ABI1: variants seen among roughly 807,000 people sequenced by gnomAD.
The protein encoded by ABI1 is Abelson interactor 1.
In ABI1, 14 loss-of-function variants were observed where a neutral mutation model predicts 54.6. The ratio of observed to expected loss-of-function variants is 0.26; its 90% CI spans 0.17 to 0.40. The LOEUF (loss-of-function observed/expected upper bound fraction) is 0.40, where lower values mean the gene tolerates loss of function less well. Among genes scored for constraint, ABI1 ranks in the 10% least tolerant of loss-of-function variants. ABI1 has a pLI of 1.00. For synonymous variants in ABI1, 194 were observed against 209.3 expected (o/e 0.93, Z 0.63); for missense variants, 443 against 598.3 (o/e 0.74, Z 2.71).
chr10:26,770,629 T>G, intron 4 of ABI1: 1 of 618,408 alleles, frequency 1.6e-6, no homozygotes, highest in Non-Finnish European at 3.0e-6. Context: ...CAAACTTATC[T>G]GCATTCAAAC....
In ABI1 at chr10:26,777,177, T is replaced by A; in HGVS notation, c.350A>T (p.Asn117Ile). ...TATTATTTTGTGAGTTCTTGATGTA[T>A]TCTTATTTGTTGTCAAAATACCAAT... ...REIGILTTNKNTSRTHKIIAP... is the reference protein window; with the variant it reads ...REIGILTTNKITSRTHKIIAP... The change falls in exon 3 of 11, where the codon AAT (asparagine) becomes ATT (isoleucine). Residue 117 changes from asparagine (N) to isoleucine (I), a missense_variant. Coordinates refer to ENST00000376140, the MANE Select transcript of ABI1 (RefSeq NM_001012750.3). 1 of 1,613,886 alleles carries A rather than the reference T, an allele frequency of 6.2e-7. No homozygotes were observed. The highest frequency in any genetic ancestry group is 8.5e-7 in the Non-Finnish European group (1 of 1,179,864).
intron 1 of ABI1, among the ~76,000 whole-genome samples, chr10:26,848,828 C>T (rs1056185450): frequency 1.3e-5 from 2 of 151,976 alleles, no homozygotes; most frequent in Non-Finnish European, 2.9e-5. Flanking sequence ...AGGCTGGTCT[C>T]GAACTCCTGA....
chr10:26,846,941 C>G (rs921257534), intron 1 of ABI1, among the ~76,000 whole-genome samples: 2 of 152,096 alleles, frequency 1.3e-5, no homozygotes, highest in African/African-American at 4.8e-5. Context: ...GGTGGCAGCA[C>G]CTGATGTATA....
chr10:26,823,394 A>G, intron 1 of ABI1, 89 bp from the exon 2 acceptor site: 1 of 1,041,598 alleles, frequency 9.6e-7, no homozygotes, highest in Middle Eastern at 3.2e-4. Context: ...ATATTATTTT[A>G]CTAGAGAAAT....
intron 2 of ABI1, among the ~76,000 whole-genome samples, chr10:26,785,090 T>C (rs1386216973): frequency 6.6e-6 from 1 of 152,222 alleles, no homozygotes; most frequent in Non-Finnish European, 1.5e-5. Context: ...TGACAGTAAC[T>C]GTAATGAAAT....
chr10:26,759,384 G>T, intron 7 of ABI1, 146 bp from the exon 8 acceptor site: 3 of 566,764 alleles, frequency 5.3e-6, no homozygotes, highest in Non-Finnish European at 2.7e-6. Context: ...GAAAAGTAAA[G>T]ATAAAAATCA....
At chr10:26,801,317 C>CA (rs1158532255) in intron 2 of ABI1, among the ~76,000 whole-genome samples, 2 of 152,096 alleles carry the variant, frequency 1.3e-5, no homozygotes, top group African/African-American at 4.8e-5. Context: ...GAGGCCAAGG[C>CA]AGGCGGATCA....
chr10:26,852,065 G>A (rs1317312673), intron 1 of ABI1, among the ~76,000 whole-genome samples: 1 of 152,010 alleles, frequency 6.6e-6, no homozygotes, highest in East Asian at 1.9e-4. Context: ...AGGCTGAGAT[G>A]GGAGGATCGC....
chr10:26,757,851 T>C (rs1467565988), intron 8 of ABI1, among the ~76,000 whole-genome samples: 1 of 152,034 alleles, frequency 6.6e-6, no homozygotes, highest in Non-Finnish European at 1.5e-5. Flanking sequence ...GTGGATCACC[T>C]GAGATCAGGA....
intron 2 of ABI1, among the ~76,000 whole-genome samples, chr10:26,793,659 C>T (rs1215132784): frequency 6.6e-6 from 1 of 152,156 alleles, no homozygotes; most frequent in Non-Finnish European, 1.5e-5. Flanking sequence ...ATACCCACCT[C>T]AAAAAGGAAA....
chr10:26,780,435 T>C (rs922057900), intron 2 of ABI1, among the ~76,000 whole-genome samples: 3 of 152,208 alleles, frequency 2.0e-5, no homozygotes, highest in Non-Finnish European at 2.9e-5. Context: ...GGTCTCACGA[T>C]GTTGCCCAGG....
chr10:26,847,974 G>A (rs1252680569), intron 1 of ABI1, among the ~76,000 whole-genome samples: 1 of 151,958 alleles, frequency 6.6e-6, no homozygotes, highest in Non-Finnish European at 1.5e-5. Context: ...GAGTCAGGAG[G>A]ATTGCTTGAG....
chr10:26,842,519 T>G (rs917936847), intron 1 of ABI1, among the ~76,000 whole-genome samples: 2 of 152,198 alleles, frequency 1.3e-5, no homozygotes, highest in African/African-American at 4.8e-5. Context: ...CAGCACTATC[T>G]GGTGAGCTTT....
intron 2 of ABI1, among the ~76,000 whole-genome samples, chr10:26,816,642 C>T (rs2047581399): frequency 6.6e-6 from 1 of 152,134 alleles, no homozygotes; most frequent in Non-Finnish European, 1.5e-5. Context: ...AGAAATAAAA[C>T]CCTTTAATTC....
intron 3 of ABI1, among the ~76,000 whole-genome samples, chr10:26,773,212 A>ATTATTTTTTTTTTTTTTTTTTTTTTTTT (rs1342694391): frequency 3.2e-5 from 2 of 63,346 alleles, no homozygotes; most frequent in African/African-American, 1.2e-4. Context: ...TCTAATGCTA[A>ATTATTTTTTTTTTTTTTTTTTTTTTTTT]TTCTTTTTTT....
intron 2 of ABI1, among the ~76,000 whole-genome samples, chr10:26,801,355 T>C (rs575837866): frequency 6.6e-6 from 1 of 152,202 alleles, no homozygotes; most frequent in African/African-American, 2.4e-5. Context: ...GAGACCAGCC[T>C]GGGCAATATG....
intron 2 of ABI1, among the ~76,000 whole-genome samples, chr10:26,811,768 A>AATTTGTATAAATTTATGCAAAG (rs1168084645): frequency 5.8e-5 from 1 of 17,232 alleles, no homozygotes; most frequent in African/African-American, 1.3e-4. Context: ...GATTTGTATA[A>AATTTGTATAAATTTATGCAAAG]ATTTGTATAA....
intron 2 of ABI1, among the ~76,000 whole-genome samples, chr10:26,819,606 C>T (rs1162389458): frequency 3.9e-5 from 6 of 152,140 alleles, no homozygotes; most frequent in Admixed American, 3.9e-4. Context: ...TTCCACCTGA[C>T]CAGAGAAAAA....
At chr10:26,798,631 GGT>G (rs1278367109) in intron 2 of ABI1, among the ~76,000 whole-genome samples, 1 of 151,658 alleles carries the variant, frequency 6.6e-6, no homozygotes, top group Admixed American at 6.6e-5. Context: ...CTAAATTTGC[GGT>G]GATTTGTTAC....
Sources: gnomAD v4.1 joint callset for allele counts (sites outside exome capture counted in the v4.1 genomes callset) on GRCh38, gnomAD v4.1.1 for gene constraint, MANE v1.5 for transcripts, NCBI Gene and HGNC (gene_info 2026-07-23, HGNC 2026-07-21) for gene names.